Variants in DGKI observed in about 807,000 individuals in gnomAD.
DGKI encodes the protein DAG kinase iota.
DGKI carries 55 observed loss-of-function variants against 147.5 expected under a neutral mutation model. The observed-to-expected ratio is 0.37, with a 90% CI of 0.30 to 0.47. The LOEUF (loss-of-function observed/expected upper bound fraction) is 0.47, where lower values mean the gene tolerates loss of function less well. Among genes scored for constraint, DGKI ranks in the 20% least tolerant of loss-of-function variants. DGKI has a pLI of 1.00. For missense variants in DGKI, 1,007 were observed against 1,323.8 expected, an observed-to-expected ratio of 0.76 and a Z score of 3.71; for synonymous variants, 469 against 477.1, an observed-to-expected ratio of 0.98 and a Z score of 0.22.
At chr7:137,842,572 C>T (rs2117113092) in intron 1 of DGKI, among the ~76,000 whole-genome samples, 1 of 152,324 alleles carries the variant, frequency 6.6e-6, no homozygotes, top group East Asian at 1.9e-4. Context: ...TACTTCATCA[C>T]TCATTCTGTG....
At chr7:137,440,130 T>G (rs1308033268) in intron 28 of DGKI, among the ~76,000 whole-genome samples, 1 of 152,020 alleles carries the variant, frequency 6.6e-6, no homozygotes, top group East Asian at 1.9e-4. Context: ...CCAGGAGCAA[T>G]TTAAATGACG....
rs184341737 is a variant in DGKI at position 137,390,864 on chromosome 7, A to C, written c.*356T>G. 59 of 247,284 alleles carry C rather than the reference A, an allele frequency of 2.4e-4. No homozygotes were observed. Among genetic ancestry groups the C allele is most frequent in the African/African-American group, 1.3e-3 (54 of 42,998 alleles). The allele number at this position is 247,284 out of a possible 1,614,324, so 15.3% of individuals were successfully genotyped here. On this transcript the variant is annotated 3_prime_UTR_variant, in exon 33 of 33. Transcript: ENST00000614521. Reference sequence around the variant, plus strand: ...ATGGTACAGGGAAAAAAACCAATGCATAGGGGGAGGATGGAGCAGTGCCAT... The same window carrying C: ...ATGGTACAGGGAAAAAAACCAATGCCTAGGGGGAGGATGGAGCAGTGCCAT...
intron 1 of DGKI, among the ~76,000 whole-genome samples, chr7:137,704,164 T>G (rs927039938): frequency 2.0e-5 from 3 of 152,182 alleles, no homozygotes; most frequent in Admixed American, 1.3e-4. Context: ...TGAGCCAAGA[T>G]TGTGCCACTG....
At position 137,471,445 on chromosome 7, in the gene DGKI, A is replaced by G. The variant is rs886260839; in HGVS notation, c.2374-1826T>C. 3.9e-5 allele frequency among the ~76,000 whole-genome samples: 6 copies of G among 152,182 alleles called. No homozygotes were observed. The South Asian group carries it at 1.2e-3, about 31-fold the overall frequency. ...GTTGTACTGACTTTCCTGGGAGTTA[A>G]TCAACACTCCCTGCTGCCCTACTTG... On this transcript the variant is annotated intron_variant, in intron 23 of 32. Coordinates refer to ENST00000614521, the MANE Select transcript of DGKI (RefSeq NM_001321708.2).
chr7:137,582,653 G>A (rs565333402), intron 14 of DGKI, among the ~76,000 whole-genome samples: 2 of 152,174 alleles, frequency 1.3e-5, no homozygotes, highest in South Asian at 4.1e-4. Flanking sequence ...ACACATGGAA[G>A]CTTTAACTTT....
chr7:137,573,358 C>T (rs538514860), intron 17 of DGKI, among the ~76,000 whole-genome samples: 13 of 152,090 alleles, frequency 8.5e-5, no homozygotes, highest in African/African-American at 1.9e-4. Flanking sequence ...GTCTATGTAC[C>T]GCAAACTTTT....
At chr7:137,638,524 ATACACACACATATATGTATATATATGTG>A (rs1185695105) in intron 6 of DGKI, among the ~76,000 whole-genome samples, 1 of 114,594 alleles carries the variant, frequency 8.7e-6, no homozygotes, top group East Asian at 2.8e-4. Context: ...GTGTATATAT[ATACACACACATATATGTATATATATGTG>A]TGTATATATA....
chr7:137,696,551 A>T (rs1355389556), intron 1 of DGKI, among the ~76,000 whole-genome samples: 3 of 146,446 alleles, frequency 2.0e-5, no homozygotes, highest in Non-Finnish European at 4.4e-5. Flanking sequence ...CCCAAGTGTA[A>T]CTTTCCTAAC....
At chr7:137,449,965 A>T (rs528153422) in intron 27 of DGKI, among the ~76,000 whole-genome samples, 2 of 152,314 alleles carry the variant, frequency 1.3e-5, no homozygotes, top group African/African-American at 4.8e-5. Context: ...AAAAAAAGGA[A>T]ATCCTGTCAT....
intron 27 of DGKI, among the ~76,000 whole-genome samples, chr7:137,461,870 A>G (rs1192854782): frequency 6.6e-6 from 1 of 152,214 alleles, no homozygotes; most frequent in Non-Finnish European, 1.5e-5. Flanking sequence ...ACATCCCTAA[A>G]AAGATAGTTT....
At chr7:137,606,780 A>G (rs992803771) in intron 10 of DGKI, among the ~76,000 whole-genome samples, 1 of 152,216 alleles carries the variant, frequency 6.6e-6, no homozygotes, top group Non-Finnish European at 1.5e-5. Context: ...CTAATCTTTA[A>G]TCACATTTCC....
At chr7:137,420,175 T>C (rs1812509907) in intron 28 of DGKI, among the ~76,000 whole-genome samples, 3 of 152,292 alleles carry the variant, frequency 2.0e-5, no homozygotes, top group South Asian at 4.1e-4. Flanking sequence ...TGGGCTTTCT[T>C]ATAAGATGGT....
chr7:137,685,809 G>A (rs1462660244), intron 2 of DGKI, among the ~76,000 whole-genome samples: 1 of 152,144 alleles, frequency 6.6e-6, no homozygotes, highest in Non-Finnish European at 1.5e-5. Flanking sequence ...ACAATGCATT[G>A]AATTAGGAAG....
chr7:137,587,452 T>C (rs536196235), intron 12 of DGKI, among the ~76,000 whole-genome samples: 16 of 152,280 alleles, frequency 1.1e-4, no homozygotes, highest in African/African-American at 3.9e-4. Flanking sequence ...ACTAAACCCA[T>C]TCATGCGTGC....
chr7:137,759,940 G>A (rs1795807369), intron 1 of DGKI, among the ~76,000 whole-genome samples: 1 of 152,076 alleles, frequency 6.6e-6, no homozygotes, highest in South Asian at 2.1e-4. Flanking sequence ...GAAACAAAAA[G>A]GCATACTAGT....
intron 10 of DGKI, among the ~76,000 whole-genome samples, chr7:137,608,413 C>A (rs181884492): frequency 3.9e-4 from 59 of 152,278 alleles, no homozygotes; most frequent in African/African-American, 1.3e-3. Context: ...AAGTCAATTT[C>A]TTTATTCTCA....
At chr7:137,677,705 T>C (rs762428156) in intron 3 of DGKI, among the ~76,000 whole-genome samples, 32 of 152,198 alleles carry the variant, frequency 2.1e-4, no homozygotes, top group Non-Finnish European at 4.1e-4. Flanking sequence ...AATATTTCTT[T>C]CACATAATAA....
intron 27 of DGKI, among the ~76,000 whole-genome samples, chr7:137,454,290 C>T (rs1406380013): frequency 2.6e-5 from 4 of 152,102 alleles, no homozygotes; most frequent in Non-Finnish European, 5.9e-5. Flanking sequence ...TAAAAAAACG[C>T]TGTTTTACCT....
chr7:137,575,222 AT>A (rs969974888), intron 17 of DGKI, among the ~76,000 whole-genome samples: 2 of 152,238 alleles, frequency 1.3e-5, no homozygotes, highest in Admixed American at 6.5e-5. Flanking sequence ...AGTTATAATG[AT>A]TTTTTTCCTC....
Sources: gnomAD v4.1 joint callset for allele counts (sites outside exome capture counted in the v4.1 genomes callset) on GRCh38, gnomAD v4.1.1 for gene constraint, MANE v1.5 for transcripts, NCBI Gene and HGNC (gene_info 2026-07-23, HGNC 2026-07-21) for gene names.